C6orf58: variants seen among roughly 807,000 people sequenced by gnomAD.
The protein encoded by C6orf58 is protein LEG1 homolog.
C6orf58 carries 30 observed loss-of-function variants against 37.0 expected under a neutral mutation model. The observed-to-expected ratio is 0.81, with a 90% confidence interval of 0.61 to 1.10. The LOEUF is 1.10. C6orf58 is among the 50% of genes least tolerant of loss of function. The pLI, the probability that C6orf58 is intolerant of heterozygous loss-of-function variation, is 0.00. For synonymous variants in C6orf58, 143 were observed against 134.1 expected (o/e 1.07, Z -0.46); for missense variants, 368 against 387.5 (o/e 0.95, Z 0.42).
intron 1 of C6orf58, 144 bp from the exon 2 acceptor site, chr6:127,578,538 TAAAA>T: frequency 8.2e-6 from 4 of 489,994 alleles, no homozygotes; most frequent in African/African-American, 2.0e-5. Flanking sequence ...AAATAAAAGA[TAAAA>T]AAAGAATGAT....
chr6:127,585,703 G>C (rs1396557687), intron 4 of C6orf58, among the ~76,000 whole-genome samples: 1 of 152,248 alleles, frequency 6.6e-6, no homozygotes, highest in South Asian at 2.1e-4. Flanking sequence ...TTGCATCAGT[G>C]TACCTTTGAT....
At chr6:127,588,634 G>A (rs1775130015) in intron 4 of C6orf58, among the ~76,000 whole-genome samples, 1 of 151,880 alleles carries the variant, frequency 6.6e-6, no homozygotes, top group Non-Finnish European at 1.5e-5. Flanking sequence ...TTCTTTCTTT[G>A]GTGACCACAT....
intron 4 of C6orf58, among the ~76,000 whole-genome samples, chr6:127,589,225 GTA>G (rs1775136021): frequency 6.6e-6 from 1 of 152,130 alleles, no homozygotes; most frequent in Non-Finnish European, 1.5e-5. Flanking sequence ...GAAGAAAGTG[GTA>G]GATTCCACCT....
intron 4 of C6orf58, among the ~76,000 whole-genome samples, chr6:127,583,853 A>T (rs190357309): frequency 3.0e-4 from 45 of 152,354 alleles, no homozygotes; most frequent in African/African-American, 9.9e-4. Context: ...AGTTTAGAAG[A>T]ACATGAGATA....
intron 4 of C6orf58, among the ~76,000 whole-genome samples, chr6:127,584,278 T>G (rs1398516357): frequency 6.6e-6 from 1 of 152,348 alleles, no homozygotes; most frequent in South Asian, 2.1e-4. Flanking sequence ...CTTGAGGTTT[T>G]TATTGCCTTA....
Position 127,577,305 on chromosome 6 carries a change from C to T in C6orf58, c.120C>T (p.Leu40=). 18 of 1,613,546 alleles carry T rather than the reference C, an allele frequency of 1.1e-5. No individual in the cohort carries two copies. Among genetic ancestry groups the T allele is most frequent in the Non-Finnish European group, 1.5e-5 (18 of 1,179,572 alleles). ...TGTGGAAGGAGAGTCCTGGTCAGCT[C>T]AGTGACTACAGGGTGGAGAACAGCA... ...PPLWKESPGQ[L]SDYRVENSMY... is the part of the protein sequence containing the mutation. The change falls in exon 1 of 6, where the codon CTC becomes CTT. Residue 40 remains leucine, a synonymous_variant. Coordinates refer to ENST00000329722, the MANE Select transcript of C6orf58 (RefSeq NM_001010905.3).
At chr6:127,582,990 A>G (rs74360731) in intron 4 of C6orf58, among the ~76,000 whole-genome samples, 2,743 of 152,262 alleles carry the variant, frequency 0.018, 81 homozygotes, top group African/African-American at 0.06. Flanking sequence ...CATTAGTAAT[A>G]TTTGTCTAAG....
intron 4 of C6orf58, among the ~76,000 whole-genome samples, chr6:127,585,526 A>G (rs1775098094): frequency 6.6e-6 from 1 of 152,208 alleles, no homozygotes; most frequent in Admixed American, 6.5e-5. Context: ...CAAAAAACCT[A>G]ATGAAGACAA....
chr6:127,586,635 G>A (rs1775110378), intron 4 of C6orf58, among the ~76,000 whole-genome samples: 1 of 152,196 alleles, frequency 6.6e-6, no homozygotes, highest in African/African-American at 2.4e-5. Flanking sequence ...TCAACACTAT[G>A]GTTCCAATAA....
chr6:127,581,971 G>A (rs1050610380), intron 4 of C6orf58, among the ~76,000 whole-genome samples: 4 of 152,174 alleles, frequency 2.6e-5, no homozygotes, highest in African/African-American at 9.6e-5. Flanking sequence ...ACTACATTAA[G>A]TTGCAGTTTG....
chr6:127,591,385 T>C (rs1270843832), intron 5 of C6orf58, among the ~76,000 whole-genome samples, 158 bp from the exon 6 acceptor site: 1 of 152,180 alleles, frequency 6.6e-6, no homozygotes, highest in African/African-American at 2.4e-5. Flanking sequence ...AATAATTCTA[T>C]GAATGACATG....
chr6:127,588,359 C>T (rs1246700072), intron 4 of C6orf58, among the ~76,000 whole-genome samples: 2 of 152,156 alleles, frequency 1.3e-5, no homozygotes, highest in Non-Finnish European at 2.9e-5. Flanking sequence ...ATGAAAGTTA[C>T]ATAGCAGAAG....
chr6:127,583,034 T>A (rs1022911342), intron 4 of C6orf58, among the ~76,000 whole-genome samples: 1 of 152,190 alleles, frequency 6.6e-6, no homozygotes, highest in Non-Finnish European at 1.5e-5. Flanking sequence ...GGTTAGAAGA[T>A]ACTAGCAACT....
In C6orf58 at chr6:127,578,732, T is replaced by G. The variant is rs780167145; in HGVS notation, c.348T>G (p.Ser116=). 3.6e-5 allele frequency: 58 copies of G among 1,612,852 alleles called. No individual in the cohort carries two copies. The highest frequency in any genetic ancestry group is 4.4e-5 in the Non-Finnish European group (52 of 1,179,158). ...PTRRTNCGYE[S]GDHMCISVDS... is the part of the protein sequence containing the mutation. Reference sequence around the variant, plus strand: ...GAAGGACAAACTGTGGCTATGAATCTGGAGATCATATGTGCATCTCTGTGG... The same window carrying G: ...GAAGGACAAACTGTGGCTATGAATCGGGAGATCATATGTGCATCTCTGTGG... The change falls in exon 2 of 6, where the codon TCT becomes TCG. Residue 116 remains serine, a synonymous_variant. Transcript: ENST00000329722.
chr6:127,585,222 T>A (rs936465149), intron 4 of C6orf58, among the ~76,000 whole-genome samples: 1 of 152,196 alleles, frequency 6.6e-6, no homozygotes, highest in South Asian at 2.1e-4. Flanking sequence ...ATCTCTCTTT[T>A]TGTAAGGACG....
intron 3 of C6orf58, 120 bp downstream of exon 3, chr6:127,580,569 C>T (rs1161371901): frequency 4.5e-6 from 3 of 671,954 alleles, no homozygotes; most frequent in East Asian, 5.3e-5. Context: ...AATTGCTATG[C>T]ATGATATATT....
chr6:127,580,514 AT>A (rs375956851), intron 3 of C6orf58, 65 bp downstream of exon 3: 3 of 1,291,554 alleles, frequency 2.3e-6, no homozygotes, highest in African/African-American at 1.5e-5. Context: ...TTCGTCTAGG[AT>A]TTTTTTGTGC....
chr6:127,579,752 T>C (rs1023583764), intron 2 of C6orf58, among the ~76,000 whole-genome samples: 1 of 152,180 alleles, frequency 6.6e-6, no homozygotes, highest in Middle Eastern at 3.4e-3. Flanking sequence ...TACCCAAAAT[T>C]TGTGCTTTAA....
chr6:127,579,403 T>C (rs1485278378), intron 2 of C6orf58, among the ~76,000 whole-genome samples: 1 of 152,114 alleles, frequency 6.6e-6, no homozygotes, highest in Non-Finnish European at 1.5e-5. Flanking sequence ...ACACATCATA[T>C]GTATCCTTAA....
Sources: allele counts gnomAD v4.1 joint callset (sites outside exome capture counted in the v4.1 genomes callset), GRCh38; gene constraint gnomAD v4.1.1; transcripts MANE v1.5; gene names NCBI Gene and HGNC (gene_info 2026-07-23, HGNC 2026-07-21).